The following CAMKK1 variants were observed in gnomAD, a reference collection of about 807,000 sequenced individuals.
The protein encoded by CAMKK1 is calcium/calmodulin dependent protein kinase kinase 1, also known as calcium/calmodulin-dependent protein kinase kinase 1.
A neutral mutation model predicts 63.5 loss-of-function variants in CAMKK1; 20 were observed. That is an observed-to-expected ratio of 0.32 (90% confidence interval 0.22 to 0.46). CAMKK1 has a LOEUF of 0.46. CAMKK1 is among the 20% of genes least tolerant of loss of function. The pLI, the probability that CAMKK1 is intolerant of heterozygous loss-of-function variation, is 1.00. For synonymous variants in CAMKK1, 253 were observed against 269.0 expected (o/e 0.94, Z 0.58); for missense variants, 588 against 658.1 (o/e 0.89, Z 1.17).
rs557793008 is a variant in CAMKK1 at position 3,885,807 on chromosome 17, G to A, written c.-43-77C>T. The stretch of plus-strand genomic sequence containing the variant: ...CAGGTAAGGTAGCCACAGCGCTGTG[G>A]GTCCCACCTCCATGCCTTTGCCCTG... On this transcript the variant is annotated intron_variant, in intron 1 of 15. Coordinates refer to ENST00000348335, the MANE Select transcript of CAMKK1 (RefSeq NM_032294.3). 2.1e-6 allele frequency: 3 copies of A among 1,432,512 alleles called. No homozygotes were observed. The Admixed American group carries it at 6.0e-5, about 29-fold the overall frequency. The allele number at this position is 1,432,512 out of a possible 1,614,324, so 88.7% of individuals were successfully genotyped here. A position where few individuals can be genotyped will look rare whatever the true frequency, so the allele number is the denominator to read the frequency against.
In CAMKK1 at chr17:3,862,256, C is replaced by A; in HGVS notation, c.1473G>T (p.Lys491Asn). The A allele has an allele frequency of 6.3e-7, 1 of 1,589,876 alleles. No homozygotes were observed. Among genetic ancestry groups the A allele is most frequent in the East Asian group, 2.3e-5 (1 of 43,752 alleles). The change falls in exon 16 of 16, where the codon AAG becomes AAT. Residue 491 changes from lysine to asparagine, a missense_variant. Around this residue, in one of 3 missense-constraint regions of CAMKK1, gnomAD observed 226 missense variants for 229.2 expected, o/e 0.99. Coordinates refer to ENST00000348335, the MANE Select transcript of CAMKK1 (RefSeq NM_032294.3). This position sits in a 1 kb window ranked among gnomAD's most constrained non-coding sequence, Gnocchi z 4.1. ...LVKEGFGEGGKSPELPGVQED... is the reference protein window; with the variant it reads ...LVKEGFGEGGNSPELPGVQED... Reference sequence around the variant, plus strand: ...CCTGGACGCCGGGGAGCTCTGGGCTCTTGCCCCCTTCACCAAACCCTTCTT... The same window carrying A: ...CCTGGACGCCGGGGAGCTCTGGGCTATTGCCCCCTTCACCAAACCCTTCTT...
At chr17:3,872,916 T>C (rs1406383641) in intron 11 of CAMKK1, among the ~76,000 whole-genome samples, 2 of 152,182 alleles carry the variant, frequency 1.3e-5, no homozygotes, top group South Asian at 4.1e-4. Context: ...TGGCCAGGCC[T>C]CCACTCCCAG....
Position 3,876,205 on chromosome 17 carries a change from C to T in CAMKK1, c.996+18G>A, listed in dbSNP as rs999106892. On this transcript the variant is annotated intron_variant, in intron 10 of 15. Coordinates refer to ENST00000348335, the MANE Select transcript of CAMKK1 (RefSeq NM_032294.3). ...CCCCCCACTTGAACCCCAGCCTGGCCCAGGGCCTGCGAGTCACCTTCCCAC... is the reference window on the plus strand; with the variant it reads ...CCCCCCACTTGAACCCCAGCCTGGCTCAGGGCCTGCGAGTCACCTTCCCAC... 2.5e-6 allele frequency: 4 copies of T among 1,611,254 alleles called. No individual in the cohort carries two copies. Among genetic ancestry groups the T allele is most frequent in the Non-Finnish European group, 3.4e-6 (4 of 1,178,270 alleles).
At position 3,883,522 on chromosome 17, in the gene CAMKK1, C is replaced by G. The variant is rs778796261; in HGVS notation, c.463-42G>C. Reference sequence around the variant, plus strand: ...AGAAATGTCACTACTGTGCAGCCACCAGGGGCTAGAACAGGCTGGTACATG... The same window carrying G: ...AGAAATGTCACTACTGTGCAGCCACGAGGGGCTAGAACAGGCTGGTACATG... On this transcript the variant is annotated intron_variant, in intron 4 of 15. Coordinates refer to ENST00000348335, the MANE Select transcript of CAMKK1 (RefSeq NM_032294.3). The surrounding 1 kb of genome is among the most constrained non-coding windows in gnomAD (Gnocchi z 4.7). The G allele has an allele frequency of 4.6e-6, 7 of 1,515,412 alleles. No individual in the cohort carries two copies. Among genetic ancestry groups the G allele is most frequent in the Non-Finnish European group, 5.5e-6 (6 of 1,090,292 alleles). 93.9% of individuals were successfully genotyped at this position (1,515,412 alleles called of 1,614,324 possible). A position where few individuals can be genotyped will look rare whatever the true frequency, so the allele number is the denominator to read the frequency against.
At chr17:3,866,686 G>A (rs2054539707) in intron 14 of CAMKK1, among the ~76,000 whole-genome samples, 1 of 151,968 alleles carries the variant, frequency 6.6e-6, no homozygotes, top group African/African-American at 2.4e-5. Flanking sequence ...TAGGCCCTGG[G>A]GCCACACTGA....
intron 9 of CAMKK1, among the ~76,000 whole-genome samples, chr17:3,877,493 C>T (rs1366812087): frequency 6.6e-6 from 1 of 152,142 alleles, no homozygotes; most frequent in Non-Finnish European, 1.5e-5. Context: ...CTGACCCCAT[C>T]CCGCGACCAT....
intron 12 of CAMKK1, among the ~76,000 whole-genome samples, chr17:3,870,417 G>C (rs543984085): frequency 2.6e-4 from 39 of 151,808 alleles, no homozygotes; most frequent in Admixed American, 5.9e-4. Context: ...CCAGGCTGGA[G>C]TGCAGTGGCG....
Position 3,869,130 on chromosome 17 carries a change from A to G in CAMKK1, c.1341+357T>C, listed in dbSNP as rs144111035. On this transcript the variant is annotated intron_variant, in intron 14 of 15. Coordinates refer to ENST00000348335, the MANE Select transcript of CAMKK1 (RefSeq NM_032294.3). ...ACTACACGCGCCCGCCACCACGCCC[A>G]GCTAATTTTCTATATTTTTAGTAGA... Among the ~76,000 whole-genome samples the G allele has an allele frequency of 1.2e-3, 173 of 146,262 alleles. 1 individual carries two copies. The East Asian group carries it at 0.018, about 16-fold the overall frequency.
Position 3,868,007 on chromosome 17 carries a change from G to A in CAMKK1, c.1341+1480C>T, listed in dbSNP as rs542805007. Among the ~76,000 whole-genome samples the A allele has an allele frequency of 2.7e-3, 333 of 124,904 alleles. 36 individuals are homozygous for A. Among genetic ancestry groups the A allele is most frequent in the Non-Finnish European group, 3.7e-3 (219 of 58,940 alleles). 81.9% of individuals were successfully genotyped at this position (124,904 alleles called of 152,430 possible). Reference sequence around the variant, plus strand: ...TGCAGGCACCGTCTAACTGATACGCGGGCTCTGGGGGAGAAGCAGGCGCCG... The same window carrying A: ...TGCAGGCACCGTCTAACTGATACGCAGGCTCTGGGGGAGAAGCAGGCGCCG... On this transcript the variant is annotated intron_variant, in intron 14 of 15. Coordinates refer to ENST00000348335, the MANE Select transcript of CAMKK1 (RefSeq NM_032294.3).
intron 1 of CAMKK1, among the ~76,000 whole-genome samples, chr17:3,888,128 CAG>C (rs987981079): frequency 1.3e-5 from 2 of 152,206 alleles, no homozygotes; most frequent in Non-Finnish European, 2.9e-5. Context: ...GAATGAACTC[CAG>C]AGTCAGGAGC....
intron 12 of CAMKK1, among the ~76,000 whole-genome samples, chr17:3,871,385 C>A: frequency 8.7e-6 from 1 of 115,486 alleles, no homozygotes; most frequent in Non-Finnish European, 1.7e-5. Context: ...GACAGAGTCT[C>A]GCTCTGTCGC....
chr17:3,874,838 C>T (rs954465534), intron 10 of CAMKK1, among the ~76,000 whole-genome samples: 1 of 151,040 alleles, frequency 6.6e-6, no homozygotes, highest in Non-Finnish European at 1.5e-5. Context: ...TGATTAATTT[C>T]TGGCTGGGCG....
intron 12 of CAMKK1, among the ~76,000 whole-genome samples, chr17:3,871,771 G>A (rs188694279): frequency 7.7e-4 from 115 of 150,032 alleles, no homozygotes; most frequent in African/African-American, 2.6e-3. Context: ...TCAGCCTCCC[G>A]AGTAGCTGGG....
intron 7 of CAMKK1, 56 bp from the exon 8 acceptor site, chr17:3,881,704 A>C (rs1342371352): frequency 1.3e-6 from 2 of 1,516,682 alleles, no homozygotes; most frequent in Non-Finnish European, 1.8e-6. Flanking sequence ...AGCCGATGCC[A>C]AGGTCCCTCC....
At position 3,881,662 on chromosome 17, in the gene CAMKK1, CAAG is replaced by C; in HGVS notation, c.686-17_686-15del. On this transcript the variant is annotated splice_polypyrimidine_tract_variant and intron_variant, in intron 7 of 15. Transcript: ENST00000348335. ...GGAGGTCAAACACTGAAAGAAAAGACAAGAAGGTAAGGTGTAGCTGGCTGGCAA... is the reference window on the plus strand; with the variant it reads ...GGAGGTCAAACACTGAAAGAAAAGACAAGGTAAGGTGTAGCTGGCTGGCAA... 6.4e-7 allele frequency: 1 copy of C among 1,564,136 alleles called. No individual in the cohort carries two copies. The highest frequency in any genetic ancestry group is 2.3e-5 in the East Asian group (1 of 42,720).
At chr17:3,872,689 C>T (rs543899589) in intron 11 of CAMKK1, 62 bp from the exon 12 acceptor site, 2 of 1,434,702 alleles carry the variant, frequency 1.4e-6, no homozygotes, top group South Asian at 2.3e-5. Context: ...GCCAGGGGAT[C>T]AACCCCCCTC....
rs532376757 is a variant in CAMKK1 at position 3,862,932 on chromosome 17, C to T, written c.1446-649G>A. Reference sequence around the variant, plus strand: ...GATTGCAGGCGTGAGCCACCGTGCCCGGCCTGAGGGCCTTCTGTGTTGACC... The same window carrying T: ...GATTGCAGGCGTGAGCCACCGTGCCTGGCCTGAGGGCCTTCTGTGTTGACC... On this transcript the variant is annotated intron_variant, in intron 15 of 15. Transcript: ENST00000348335. The surrounding 1 kb of genome is among the most constrained non-coding windows in gnomAD (Gnocchi z 4.1). Among the ~76,000 whole-genome samples, 3 of 152,310 alleles carry T rather than the reference C, an allele frequency of 2.0e-5. No homozygotes were observed. The highest frequency in any genetic ancestry group is 2.1e-4 in the South Asian group (1 of 4,830).
chr17:3,877,796 C>G (rs1330318836), intron 9 of CAMKK1, among the ~76,000 whole-genome samples: 2 of 152,152 alleles, frequency 1.3e-5, no homozygotes, highest in Non-Finnish European at 2.9e-5. Context: ...GTTCTTATCT[C>G]AAACCCTAGC....
chr17:3,882,807 T>C lies in CAMKK1; in HGVS notation c.648+235A>G, dbSNP rs1216042422. 6.6e-6 allele frequency among the ~76,000 whole-genome samples: 1 copy of C among 152,172 alleles called. No homozygotes were observed. Among genetic ancestry groups the C allele is most frequent in the African/African-American group, 2.4e-5 (1 of 41,434 alleles). ...CCAGCTGCAATGAGGGGCTCACTTC[T>C]TGCCTCTGGGGCAGCCCCTCACCCT... On this transcript the variant is annotated intron_variant, in intron 6 of 15. Coordinates refer to ENST00000348335, the MANE Select transcript of CAMKK1 (RefSeq NM_032294.3). This position sits in a 1 kb window ranked among gnomAD's most constrained non-coding sequence, Gnocchi z 4.3.
Sources: gnomAD v4.1 joint callset for allele counts (sites outside exome capture counted in the v4.1 genomes callset) on GRCh38, gnomAD v4.1.1 for gene constraint, gnomAD v4.1.1 regional missense constraint, Gnocchi (gnomAD v3.1) non-coding constraint, MANE v1.5 for transcripts, NCBI Gene and HGNC (gene_info 2026-07-23, HGNC 2026-07-21) for gene names.